PRDM1: variants seen among roughly 807,000 people sequenced by gnomAD.
PRDM1 encodes the protein PR/SET domain 1.
Under a neutral mutation model 62.8 loss-of-function variants are expected in PRDM1, and 13 were observed. The observed-to-expected ratio is 0.21, with a 90% CI of 0.13 to 0.33. The LOEUF (loss-of-function observed/expected upper bound fraction) is 0.33, where lower values mean the gene tolerates loss of function less well. Among genes scored for constraint, PRDM1 ranks in the 10% least tolerant of loss-of-function variants. PRDM1 has a pLI of 1.00. For missense variants in PRDM1, 895 were observed against 1,058.8 expected (o/e 0.85, Z 2.15); for synonymous variants, 396 against 417.6 (o/e 0.95, Z 0.63).
intron 2 of PRDM1, among the ~76,000 whole-genome samples, chr6:106,093,097 T>G (rs920438104): frequency 6.6e-6 from 1 of 152,230 alleles, no homozygotes. Context: ...TCTCCTGTCT[T>G]GCCTGTTGAA....
At chr6:106,011,436 G>A (rs988362564) in intron 1 of PRDM1, among the ~76,000 whole-genome samples, 3 of 152,170 alleles carry the variant, frequency 2.0e-5, no homozygotes, top group African/African-American at 4.8e-5. Flanking sequence ...GAGAATACCA[G>A]GACTTGCCTG....
At chr6:106,088,055 C>T (rs1309130350) in intron 1 of PRDM1, 146 bp from the exon 2 acceptor site, 4 of 795,068 alleles carry the variant, frequency 5.0e-6, no homozygotes, top group Non-Finnish European at 7.0e-6. Context: ...TTACTTTATA[C>T]GGCTTCTTGG....
chr6:106,107,601 G>C lies in PRDM1; in HGVS notation c.*115G>C, dbSNP rs994856762. ...CTGCAAAGCTCTCTCGACAGCAAAT[G>C]GTTTCCCCTCACCTCTGGAATTAAA... is the stretch of plus-strand genomic sequence containing the variant. On this transcript the variant is annotated 3_prime_UTR_variant, in exon 7 of 7. Coordinates refer to ENST00000369096, the MANE Select transcript of PRDM1 (RefSeq NM_001198.4). 14 of 932,516 alleles carry C rather than the reference G, an allele frequency of 1.5e-5. 1 individual carries two copies. The highest frequency in any genetic ancestry group is 6.3e-4 in the Middle Eastern group (2 of 3,176). The allele number at this position is 932,516 out of a possible 1,614,324, so 57.8% of individuals were successfully genotyped here.
chr6:106,006,139 G>A (rs1041304539), intron 1 of PRDM1, among the ~76,000 whole-genome samples: 8 of 152,278 alleles, frequency 5.3e-5, no homozygotes, highest in Admixed American at 5.2e-4. Flanking sequence ...TGTATTCTGG[G>A]GACAGCAGGA....
chr6:106,040,500 C>T (rs1772978434), intron 1 of PRDM1, among the ~76,000 whole-genome samples: 1 of 152,200 alleles, frequency 6.6e-6, no homozygotes, highest in Non-Finnish European at 1.5e-5. Context: ...CTCCTAGTTT[C>T]TGTTCTACTT....
chr6:106,087,284 G>C (rs1773834212), intron 1 of PRDM1, among the ~76,000 whole-genome samples: 1 of 152,168 alleles, frequency 6.6e-6, no homozygotes, highest in South Asian at 2.1e-4. Flanking sequence ...TTCTAAATTT[G>C]TTATAACTTT....
At chr6:106,029,868 C>T (rs1317121573) in intron 1 of PRDM1, among the ~76,000 whole-genome samples, 1 of 152,168 alleles carries the variant, frequency 6.6e-6, no homozygotes, top group Non-Finnish European at 1.5e-5. Context: ...ATTTGTCCGT[C>T]TTGGCCTCCC....
At chr6:106,008,478 G>A (rs926596924) in intron 1 of PRDM1, among the ~76,000 whole-genome samples, 1 of 66,054 alleles carries the variant, frequency 1.5e-5, no homozygotes, top group African/African-American at 3.8e-5. Context: ...CAGTACCTGG[G>A]CACCAGATCC....
intron 1 of PRDM1, among the ~76,000 whole-genome samples, chr6:105,998,699 A>G (rs754134479): frequency 3.9e-5 from 6 of 152,006 alleles, no homozygotes; most frequent in Non-Finnish European, 5.9e-5. Flanking sequence ...ATGAATTCCC[A>G]GTATTTCATT....
intron 1 of PRDM1, among the ~76,000 whole-genome samples, chr6:106,071,138 G>T (rs1773509347): frequency 6.6e-6 from 1 of 152,104 alleles, no homozygotes; most frequent in Non-Finnish European, 1.5e-5. Context: ...CAGGCGTGGT[G>T]GTGGGCACCT....
intron 1 of PRDM1, among the ~76,000 whole-genome samples, chr6:105,999,603 T>C (rs2114540983): frequency 6.6e-6 from 1 of 152,160 alleles, no homozygotes; most frequent in East Asian, 1.9e-4. Context: ...CAGGTGTACC[T>C]AAGCTACCTT....
At chr6:106,057,268 C>T (rs1678444083) in intron 1 of PRDM1, among the ~76,000 whole-genome samples, 2 of 152,160 alleles carry the variant, frequency 1.3e-5, no homozygotes, top group Admixed American at 6.5e-5. Context: ...CTGAGGTTTT[C>T]TTTTCCAGTA....
chr6:106,043,290 T>A (rs565687219), intron 1 of PRDM1, among the ~76,000 whole-genome samples: 88 of 152,332 alleles, frequency 5.8e-4, no homozygotes, highest in South Asian at 5.4e-3. Flanking sequence ...TTACATTAAC[T>A]TGTTTATTGT....
intron 1 of PRDM1, among the ~76,000 whole-genome samples, chr6:106,073,774 C>T (rs1307681482): frequency 6.6e-6 from 1 of 152,204 alleles, no homozygotes; most frequent in Non-Finnish European, 1.5e-5. Context: ...ATAGTATTGA[C>T]ACAAATGCAG....
At chr6:106,072,218 G>A (rs574531002) in intron 1 of PRDM1, 2 of 152,314 alleles carry the variant, frequency 1.3e-5, no homozygotes, top group South Asian at 2.1e-4. Flanking sequence ...TTCACTGGGG[G>A]CAGGAAAAGA....
intron 1 of PRDM1, among the ~76,000 whole-genome samples, chr6:106,049,211 C>G (rs749018209): frequency 9.2e-5 from 14 of 152,198 alleles, no homozygotes; most frequent in Non-Finnish European, 2.9e-5. Context: ...AGAACAGATG[C>G]TGTTACTGGA....
chr6:106,079,525 C>T (rs1046041499), intron 1 of PRDM1, among the ~76,000 whole-genome samples: 1 of 152,220 alleles, frequency 6.6e-6, no homozygotes, highest in South Asian at 2.1e-4. Context: ...CAGCAGGGTG[C>T]AGTGGCTCAC....
rs1774304450 is a variant in PRDM1 at position 106,102,604 on chromosome 6, A to ATATT, written c.665-2221_665-2220insTATT. Among the ~76,000 whole-genome samples the ATATT allele has an allele frequency of 5.9e-5, 9 of 152,296 alleles. No homozygotes were observed. In the South Asian group the frequency reaches 1.9e-3, roughly 32 times the overall value. On this transcript the variant is annotated intron_variant, in intron 4 of 6. Transcript: ENST00000369096. ...AAGTTTCATATCAGTTCAACATTCA[A>ATATT]ATTATATTAAGGTACTTAAGAAGAA... is the stretch of plus-strand genomic sequence containing the variant.
intron 1 of PRDM1, among the ~76,000 whole-genome samples, chr6:106,024,141 C>CAA (rs146834924): frequency 1.3e-4 from 20 of 149,520 alleles, no homozygotes; most frequent in African/African-American, 2.2e-4. Context: ...GACCGTGTCT[C>CAA]AAAAAAAAAA....
Sources: gnomAD v4.1 joint callset for allele counts (sites outside exome capture counted in the v4.1 genomes callset) on GRCh38, gnomAD v4.1.1 for gene constraint, MANE v1.5 for transcripts, NCBI Gene and HGNC (gene_info 2026-07-23, HGNC 2026-07-21) for gene names.